CHRNA6: variants seen among roughly 807,000 people sequenced by gnomAD.
CHRNA6 encodes the protein neuronal acetylcholine receptor subunit alpha-6.
A neutral mutation model predicts 40.9 loss-of-function variants in CHRNA6; 31 were observed. The observed-to-expected ratio is 0.76, with a 90% CI of 0.57 to 1.02. The LOEUF is 1.02. Ranked by LOEUF, CHRNA6 falls within the 50% of genes least tolerant of loss-of-function variation. The pLI is 0.00. For synonymous variants in CHRNA6, 222 were observed against 221.3 expected (o/e 1.00, Z -0.03); for missense variants, 546 against 596.6 (o/e 0.92, Z 0.88).
chr8:42,761,286 A>G (rs1352037090), intron 2 of CHRNA6, among the ~76,000 whole-genome samples: 1 of 152,234 alleles, frequency 6.6e-6, no homozygotes, highest in East Asian at 1.9e-4. Context: ...TGGTCAACCA[A>G]TTCATGGCTT....
intron 2 of CHRNA6, among the ~76,000 whole-genome samples, chr8:42,760,439 C>T (rs776915547): frequency 6.7e-6 from 1 of 149,438 alleles, no homozygotes; most frequent in Admixed American, 6.9e-5. Flanking sequence ...TACACACACT[C>T]GTACGTGTGC....
chr8:42,762,750 A>C (rs545113749), intron 2 of CHRNA6, among the ~76,000 whole-genome samples: 2 of 152,320 alleles, frequency 1.3e-5, no homozygotes, highest in African/African-American at 4.8e-5. Context: ...ACTCGGAGGA[A>C]TCTCTAAAGG....
rs762239006 is a variant in CHRNA6, at chr8:42,756,027, T to C, written c.1172A>G (p.His391Arg). 7 of 1,614,272 alleles carry C rather than the reference T, an allele frequency of 4.3e-6. No homozygotes were observed. The highest frequency in any genetic ancestry group is 4.5e-5 in the East Asian group (2 of 44,884). The change falls in exon 5 of 6, where the codon CAT becomes CGT. Residue 391 changes from histidine (H) to arginine (R), a missense_variant. His to Arg is a conservative substitution (Grantham distance 29). Coordinates refer to ENST00000276410, the MANE Select transcript of CHRNA6 (RefSeq NM_004198.3). ...GKLASHGEPR[H>R]LKECFHCHKS... ...GTGACAATGGAAGCATTCTTTAAGA[T>C]GTCTGGGTTCCCCATGGCTTGCAAG...
chr8:42,762,658 A>AG lies in CHRNA6; in HGVS notation c.219+2406_219+2407insC, dbSNP rs1415982322. Among the ~76,000 whole-genome samples the AG allele has an allele frequency of 2.0e-5, 3 of 152,208 alleles. No homozygotes were observed. The East Asian group carries it at 5.8e-4, about 29-fold the overall frequency. On this transcript the variant is annotated intron_variant, in intron 2 of 5. Coordinates refer to ENST00000276410, the MANE Select transcript of CHRNA6 (RefSeq NM_004198.3). ...AGTGAGACTCCATCTCAAAAGCAAA[A>AG]CAAAACAAACAAACAAAAAACAAAG...
chr8:42,768,557 C>A lies in CHRNA6; in HGVS notation c.-127G>T. On this transcript the variant is annotated 5_prime_UTR_variant, in exon 1 of 6. It removes the in-frame stop codon of an upstream open reading frame in the 5' UTR. Transcript: ENST00000276410. ...CCACTGCAATCCGTGTGTGTCTTCT[C>A]AGAAATCAAAACATCCCCGGGACTT... is the stretch of plus-strand genomic sequence containing the variant. 1 of 657,674 alleles carries A rather than the reference C, an allele frequency of 1.5e-6. No individual in the cohort carries two copies. The allele number at this position is 657,674 out of a possible 1,614,324, so 40.7% of individuals were successfully genotyped here.
rs188451455 is a variant in CHRNA6, at chr8:42,767,388, G to C, written c.79+964C>G. Reference sequence around the variant, plus strand: ...TTTTCCAAGAAAACCTTAAATGTGGGGTTACTTTTCCTCATTTGACATAAT... The same window carrying C: ...TTTTCCAAGAAAACCTTAAATGTGGCGTTACTTTTCCTCATTTGACATAAT... On this transcript the variant is annotated intron_variant, in intron 1 of 5. Coordinates refer to ENST00000276410, the MANE Select transcript of CHRNA6 (RefSeq NM_004198.3). Among the ~76,000 whole-genome samples the C allele has an allele frequency of 3.8e-3, 571 of 152,152 alleles. 3 individuals carry two copies. Among genetic ancestry groups the C allele is most frequent in the South Asian group, 9.8e-3 (47 of 4,808 alleles).
intron 2 of CHRNA6, 87 bp downstream of exon 2, chr8:42,764,978 C>T: frequency 1.4e-6 from 2 of 1,414,278 alleles, no homozygotes; most frequent in Non-Finnish European, 1.9e-6. Flanking sequence ...TGTAGATTTG[C>T]ATCTATCTGT....
intron 1 of CHRNA6, among the ~76,000 whole-genome samples, chr8:42,766,520 A>AAGAAAGAAAGAAAGAAAGAAAGAAAG (rs962930923): frequency 6.6e-6 from 1 of 152,020 alleles, no homozygotes; most frequent in Non-Finnish European, 1.5e-5. Flanking sequence ...GAAAGAAAGA[A>AAGAAAGAAAGAAAGAAAGAAAGAAAG]AATGTGGTAT....
intron 3 of CHRNA6, among the ~76,000 whole-genome samples, chr8:42,757,711 C>A (rs1043984153): frequency 7.8e-6 from 1 of 128,240 alleles, no homozygotes; most frequent in East Asian, 2.3e-4. Flanking sequence ...CCAGCCTAGG[C>A]GACGGACCGG....
At chr8:42,755,262 G>C (rs1816779003) in intron 5 of CHRNA6, among the ~76,000 whole-genome samples, 1 of 116,264 alleles carries the variant, frequency 8.6e-6, no homozygotes, top group African/African-American at 5.2e-5. Flanking sequence ...AACTGAGGTT[G>C]CCCTGAATGT....
intron 2 of CHRNA6, among the ~76,000 whole-genome samples, chr8:42,763,054 A>T (rs1414430705): frequency 6.6e-6 from 1 of 152,206 alleles, no homozygotes; most frequent in Non-Finnish European, 1.5e-5. Context: ...GAAGTCTAGG[A>T]TGTACACTTT....
rs1816792711 is a variant in CHRNA6 at position 42,755,964 on chromosome 8, C to G, written c.1235G>C (p.Ser412Thr). 1 of 1,614,152 alleles carries G rather than the reference C, an allele frequency of 6.2e-7. No homozygotes were observed. The highest frequency in any genetic ancestry group is 8.5e-7 in the Non-Finnish European group (1 of 1,180,056). Residue 412 changes from serine to threonine, a missense_variant, in exon 5 of 6, where the codon AGT becomes ACT. Ser to Thr is a moderately conservative substitution (Grantham distance 58, BLOSUM62 1). This residue lies in a region of CHRNA6 where 5 missense variants were observed against 18.4 expected (regional missense o/e 0.27). Coordinates refer to ENST00000276410, the MANE Select transcript of CHRNA6 (RefSeq NM_004198.3). Reference sequence around the variant, plus strand: ...CACCACCCACTGTAATGGCTGATGACTTAATCTTCTCTTGCTTGTGGCAAG... The same window carrying G: ...CACCACCCACTGTAATGGCTGATGAGTTAATCTTCTCTTGCTTGTGGCAAG... ...NELATSKRRL[S>T]HQPLQWVVEN...
In CHRNA6 at chr8:42,755,979, C is replaced by T; in HGVS notation, c.1220G>A (p.Ser407Asn). The change falls in exon 5 of 6, where the codon AGC (serine) becomes AAC (asparagine). Residue 407 changes from serine (S) to asparagine (N), a missense_variant. By Grantham distance (46) the Ser-to-Asn change is conservative. Transcript: ENST00000276410. ...TGGCTGATGACTTAATCTTCTCTTG[C>T]TTGTGGCAAGCTCATTTGATTTGTG... is the stretch of plus-strand genomic sequence containing the variant. ...HCHKSNELAT[S>N]KRRLSHQPLQ... 2 of 1,614,258 alleles carry T rather than the reference C, an allele frequency of 1.2e-6. No homozygotes were observed. The highest frequency in any genetic ancestry group is 1.7e-6 in the Non-Finnish European group (2 of 1,180,044).
Position 42,768,373 on chromosome 8 carries a change from C to T in CHRNA6, c.58G>A (p.Val20Met), listed in dbSNP as rs202231701. The change falls in exon 1 of 6, where the codon GTG becomes ATG. Residue 20 changes from valine (V) to methionine (M), a missense_variant. Val to Met is a conservative substitution (Grantham distance 21, BLOSUM62 1). Transcript: ENST00000276410. ...LHGGLCLWLC[V>M]FTPFFKGCVG... ...CTACCTTTAAAGAAAGGTGTGAACACACACAGCCAGAGACACAAGCCCCCA... is the reference window on the plus strand; with the variant it reads ...CTACCTTTAAAGAAAGGTGTGAACATACACAGCCAGAGACACAAGCCCCCA... The T allele has an allele frequency of 9.9e-6, 16 of 1,613,990 alleles. No individual in the cohort carries two copies. In the South Asian group the frequency reaches 1.8e-4, roughly 18 times the overall value.
At chr8:42,766,842 A>G (rs1225498374) in intron 1 of CHRNA6, among the ~76,000 whole-genome samples, 1 of 152,230 alleles carries the variant, frequency 6.6e-6, no homozygotes, top group African/African-American at 2.4e-5. Flanking sequence ...ACGTTTACCT[A>G]TGTAACAAAG....
intron 2 of CHRNA6, among the ~76,000 whole-genome samples, chr8:42,760,299 G>A (rs375472673): frequency 8.0e-4 from 117 of 146,342 alleles, no homozygotes; most frequent in African/African-American, 2.9e-3. Context: ...GCATATACAC[G>A]GTACTCTCAT....
rs34358773 is a variant in CHRNA6, at chr8:42,757,732, CA to C, written c.265-696del. Among the ~76,000 whole-genome samples the C allele has an allele frequency of 4.3e-3, 448 of 105,142 alleles. 5 individuals carry two copies. The highest frequency in any genetic ancestry group is 8.7e-3 in the African/African-American group (272 of 31,198). 69.0% of individuals were successfully genotyped at this position (105,142 alleles called of 152,430 possible). On this transcript the variant is annotated intron_variant, in intron 3 of 5. Coordinates refer to ENST00000276410, the MANE Select transcript of CHRNA6 (RefSeq NM_004198.3). The stretch of plus-strand genomic sequence containing the variant: ...TAGGCGACGGACCGGGACTCTGTCT[CA>C]AAAAAAAAAAAAAAAAGTGGCCCGG...
intron 2 of CHRNA6, among the ~76,000 whole-genome samples, chr8:42,763,755 C>G (rs1204952292): frequency 6.6e-6 from 1 of 152,174 alleles, no homozygotes; most frequent in Non-Finnish European, 1.5e-5. Context: ...GGGGAAACAT[C>G]TGGCTTTATT....
Position 42,759,133 on chromosome 8 carries a change from C to G in CHRNA6, c.220-20G>C. The G allele has an allele frequency of 6.2e-7, 1 of 1,607,736 alleles. No individual in the cohort carries two copies. Among genetic ancestry groups the G allele is most frequent in the Non-Finnish European group, 8.5e-7 (1 of 1,174,178 alleles). On this transcript the variant is annotated intron_variant, in intron 2 of 5. Transcript: ENST00000276410. Reference sequence around the variant, plus strand: ...TTCATCCTGGGAAGAAGAAATAATACTTTTAGCCTCAAATGTGCTTGCCAT... The same window carrying G: ...TTCATCCTGGGAAGAAGAAATAATAGTTTTAGCCTCAAATGTGCTTGCCAT...
Sources: allele counts gnomAD v4.1 joint callset (sites outside exome capture counted in the v4.1 genomes callset), GRCh38; gene constraint gnomAD v4.1.1; regional missense constraint gnomAD v4.1.1; transcripts MANE v1.5; gene names NCBI Gene and HGNC (gene_info 2026-07-23, HGNC 2026-07-21).